The following CNTN6 variants were observed in gnomAD, a reference collection of about 807,000 sequenced individuals.
CNTN6 encodes contactin-6.
Under a neutral mutation model 122.8 loss-of-function variants are expected in CNTN6, and 137 were observed. The observed-to-expected ratio is 1.12, with a 90% CI of 0.97 to 1.29. The LOEUF (loss-of-function observed/expected upper bound fraction) is 1.29, where lower values mean the gene tolerates loss of function less well. Ranked by LOEUF, CNTN6 falls within the 50% of genes most tolerant of loss-of-function variation. The pLI is 0.00. For synonymous variants in CNTN6, 570 were observed against 426.0 expected, an observed-to-expected ratio of 1.34 and a Z score of -4.16; for missense variants, 1,634 against 1,223.4, an observed-to-expected ratio of 1.34 and a Z score of -5.01.
chr3:1,354,369 A>G (rs1257763628), intron 12 of CNTN6, among the ~76,000 whole-genome samples: 1 of 36,164 alleles, frequency 2.8e-5, no homozygotes, highest in Non-Finnish European at 7.1e-5. Context: ...CTCAGTTAAC[A>G]AAAAAAAAAA....
intron 2 of CNTN6, among the ~76,000 whole-genome samples, chr3:1,212,232 C>G (rs1006468602): frequency 3.4e-5 from 5 of 148,104 alleles, no homozygotes; most frequent in Admixed American, 6.8e-5. Context: ...AAGTTCTTGC[C>G]TTACTGCCAA....
At chr3:1,233,462 G>A (rs552722204) in intron 4 of CNTN6, among the ~76,000 whole-genome samples, 14 of 152,174 alleles carry the variant, frequency 9.2e-5, no homozygotes, top group East Asian at 1.9e-4. Flanking sequence ...GAAGCCAGGC[G>A]CGGTGGCTCA....
At chr3:1,380,271 G>T (rs1358443871) in intron 17 of CNTN6, among the ~76,000 whole-genome samples, 1 of 152,148 alleles carries the variant, frequency 6.6e-6, no homozygotes, top group Admixed American at 6.5e-5. Flanking sequence ...TAGGCTCCCT[G>T]TGGTATAATC....
At chr3:1,247,624 G>C (rs1390475733) in intron 4 of CNTN6, among the ~76,000 whole-genome samples, 6 of 152,114 alleles carry the variant, frequency 3.9e-5, no homozygotes, top group African/African-American at 1.4e-4. Context: ...TCTTTCATTG[G>C]ATAAAAATAT....
chr3:1,105,157 G>A (rs533572488), intron 1 of CNTN6, among the ~76,000 whole-genome samples: 21 of 152,144 alleles, frequency 1.4e-4, no homozygotes, highest in African/African-American at 5.1e-4. Context: ...TGCTCTTTGT[G>A]ACCATCCTTG....
chr3:1,247,755 C>A (rs1294928413), intron 4 of CNTN6, among the ~76,000 whole-genome samples: 24 of 152,260 alleles, frequency 1.6e-4, no homozygotes, highest in Admixed American at 1.4e-3. Context: ...CACAGACATG[C>A]AATGCTGGCT....
intron 1 of CNTN6, among the ~76,000 whole-genome samples, chr3:1,138,670 C>CA (rs1323100105): frequency 3.3e-5 from 5 of 151,826 alleles, no homozygotes; most frequent in Admixed American, 3.3e-4. Context: ...TATATTTTCC[C>CA]AAAAACAAAA....
At chr3:1,266,438 T>C (rs1239059411) in intron 4 of CNTN6, among the ~76,000 whole-genome samples, 1 of 152,122 alleles carries the variant, frequency 6.6e-6, no homozygotes, top group African/African-American at 2.4e-5. Flanking sequence ...AGGATAAAAA[T>C]CTCTGGTAAA....
chr3:1,285,201 G>A (rs943605059), intron 5 of CNTN6, among the ~76,000 whole-genome samples: 5 of 152,098 alleles, frequency 3.3e-5, no homozygotes, highest in Admixed American at 2.0e-4. Context: ...GTATTTATAA[G>A]GTATAAGTAA....
chr3:1,245,417 G>A (rs938831652), intron 4 of CNTN6, among the ~76,000 whole-genome samples: 2 of 141,024 alleles, frequency 1.4e-5, no homozygotes, highest in African/African-American at 2.6e-5. Flanking sequence ...GACTATTATT[G>A]TAAGTGAAGT....
intron 11 of CNTN6, among the ~76,000 whole-genome samples, chr3:1,339,893 A>T (rs891309071): frequency 2.0e-5 from 3 of 152,160 alleles, no homozygotes; most frequent in African/African-American, 7.2e-5. Flanking sequence ...AAATTAACCA[A>T]ATACACCCAT....
chr3:1,154,338 G>A (rs2092912447), intron 2 of CNTN6, among the ~76,000 whole-genome samples: 1 of 152,086 alleles, frequency 6.6e-6, no homozygotes, highest in African/African-American at 2.4e-5. Context: ...GTATGCTATG[G>A]AAGTAATAAC....
At chr3:1,327,683 T>A in intron 10 of CNTN6, 97 bp downstream of exon 10, 1 of 1,222,148 alleles carries the variant, frequency 8.2e-7, no homozygotes, top group Non-Finnish European at 1.1e-6. Context: ...AAATTAGAAA[T>A]TGCTGTCCCA....
chr3:1,326,925 AC>A (rs1701621938), intron 9 of CNTN6, among the ~76,000 whole-genome samples: 1 of 151,836 alleles, frequency 6.6e-6, no homozygotes. Flanking sequence ...GTATTTCTAT[AC>A]CCCACATGGG....
At chr3:1,157,998 T>C (rs998790792) in intron 2 of CNTN6, among the ~76,000 whole-genome samples, 1 of 152,188 alleles carries the variant, frequency 6.6e-6, no homozygotes, top group Admixed American at 6.5e-5. Context: ...TTCCTTTATT[T>C]TGGGTATATG....
chr3:1,275,984 C>T (rs187601967), intron 4 of CNTN6, among the ~76,000 whole-genome samples: 74 of 152,190 alleles, frequency 4.9e-4, no homozygotes, highest in Non-Finnish European at 8.8e-5. Flanking sequence ...TTTAATAGAT[C>T]CAAAATGAAA....
rs749085264 is a variant in CNTN6, at chr3:1,403,437, T to G, written c.*19T>G. ...TATCTGATGAATAAAACCATAAATC[T>G]TTGAGAGTTTTTTGAAAGCAAATCA... On this transcript the variant is annotated 3_prime_UTR_variant, in exon 23 of 23. Transcript: ENST00000446702. 6.5e-7 allele frequency: 1 copy of G among 1,527,482 alleles called. No homozygotes were observed. Among genetic ancestry groups the G allele is most frequent in the Non-Finnish European group, 9.1e-7 (1 of 1,103,476 alleles). The allele number at this position is 1,527,482 out of a possible 1,614,324, so 94.6% of individuals were successfully genotyped here. A position where few individuals can be genotyped will look rare whatever the true frequency, so the allele number is the denominator to read the frequency against.
chr3:1,354,663 G>A (rs1483197454), intron 12 of CNTN6, among the ~76,000 whole-genome samples: 1 of 151,472 alleles, frequency 6.6e-6, no homozygotes, highest in African/African-American at 2.4e-5. Context: ...GGAACTGTAT[G>A]TGCCCAGTAA....
chr3:1,300,721 G>C (rs1008524162), intron 7 of CNTN6, among the ~76,000 whole-genome samples: 3 of 151,924 alleles, frequency 2.0e-5, no homozygotes, highest in African/African-American at 7.2e-5. Context: ...TAGAAAAGTT[G>C]AAAGAGTAAC....
Sources: gnomAD v4.1 joint callset for allele counts (sites outside exome capture counted in the v4.1 genomes callset) on GRCh38, gnomAD v4.1.1 for gene constraint, MANE v1.5 for transcripts, NCBI Gene and HGNC (gene_info 2026-07-23, HGNC 2026-07-21) for gene names.